The following TRIM34 variants were observed in gnomAD, a reference collection of about 807,000 sequenced individuals.
TRIM34 encodes the protein E3 ubiquitin-protein ligase TRIM34.
Under a neutral mutation model 38.1 loss-of-function variants are expected in TRIM34, and 41 were observed. The observed-to-expected ratio is 1.08, with a 90% CI of 0.84 to 1.40. The LOEUF (loss-of-function observed/expected upper bound fraction) is 1.40. Ranked by LOEUF, TRIM34 falls within the 40% of genes most tolerant of loss-of-function variation. The pLI, the probability that TRIM34 is intolerant of heterozygous loss-of-function variation, is 0.00. For missense variants in TRIM34, 556 were observed against 571.4 expected, an observed-to-expected ratio of 0.97 and a Z score of 0.27; for synonymous variants, 200 against 202.5, an observed-to-expected ratio of 0.99 and a Z score of 0.10.
intron 5 of TRIM34, 88 bp from the exon 6 acceptor site, chr11:5,642,318 G>C: frequency 8.3e-7 from 1 of 1,205,190 alleles, no homozygotes; most frequent in Non-Finnish European, 1.2e-6. Flanking sequence ...AAGTGCATCA[G>C]TGATGTGAAG....
chr11:5,640,393 A>G (rs1849955987), intron 4 of TRIM34, among the ~76,000 whole-genome samples: 1 of 151,886 alleles, frequency 6.6e-6, no homozygotes, highest in Non-Finnish European at 1.5e-5. Context: ...TGAGATCATC[A>G]TGTGGTTTTC....
chr11:5,623,552 T>TTG (rs35930606), upstream of TRIM34, among the ~76,000 whole-genome samples: 1 of 147,704 alleles, frequency 6.8e-6, no homozygotes, highest in African/African-American at 2.5e-5. Context: ...TTTTTTTTTT[T>TTG]GTAATTTTAG....
rs537224921 is a variant in TRIM34 at position 5,627,091 on chromosome 11, G to A, written c.-78+2031G>A. Among the ~76,000 whole-genome samples the A allele has an allele frequency of 1.2e-3, 177 of 152,180 alleles. 3 individuals carry two copies. The South Asian group carries it at 0.035, about 30-fold the overall frequency. ...GATGAGAGCAGAGTGAAGAAGGACA[G>A]TGATGGGTGGGCACAGTAGCTCACA... is the stretch of plus-strand genomic sequence containing the variant. On this transcript the variant is annotated intron_variant, in intron 1 of 7. Coordinates refer to ENST00000429814, the MANE Select transcript of TRIM34 (RefSeq NM_021616.6).
upstream of TRIM34, among the ~76,000 whole-genome samples, chr11:5,622,820 T>C (rs1312631344): frequency 6.6e-6 from 1 of 152,186 alleles, no homozygotes; most frequent in Admixed American, 6.5e-5. Flanking sequence ...ATTTAGGAAG[T>C]TTATTTTGCC....
intron 4 of TRIM34, among the ~76,000 whole-genome samples, chr11:5,636,598 C>G (rs1173290878): frequency 6.6e-6 from 1 of 152,158 alleles, no homozygotes; most frequent in African/African-American, 2.4e-5. Flanking sequence ...CTTCACAACC[C>G]TTTGAATCGC....
intron 1 of TRIM34, among the ~76,000 whole-genome samples, 189 bp from the exon 2 acceptor site, chr11:5,632,066 A>C (rs1849504653): frequency 6.6e-6 from 1 of 152,222 alleles, no homozygotes; most frequent in Non-Finnish European, 1.5e-5. Context: ...TTCTAGGCTG[A>C]GTAATGAACA....
upstream of TRIM34, among the ~76,000 whole-genome samples, chr11:5,623,461 G>A (rs558134791): frequency 7.2e-5 from 11 of 151,734 alleles, no homozygotes; most frequent in Admixed American, 1.3e-4. Flanking sequence ...TCCGCCTCCC[G>A]GGTTCAAGCA....
At chr11:5,630,178 C>T (rs1037588195) in intron 1 of TRIM34, among the ~76,000 whole-genome samples, 3 of 151,984 alleles carry the variant, frequency 2.0e-5, no homozygotes, top group Admixed American at 6.6e-5. Flanking sequence ...AATCCTCTTA[C>T]GGAAAATGAG....
At chr11:5,636,475 C>G (rs1184131901) in intron 4 of TRIM34, among the ~76,000 whole-genome samples, 1 of 152,090 alleles carries the variant, frequency 6.6e-6, no homozygotes. Context: ...TATTTTAAAG[C>G]CTGTTAAATT....
intron 1 of TRIM34, among the ~76,000 whole-genome samples, chr11:5,628,901 A>G (rs1046207738): frequency 1.2e-4 from 18 of 151,698 alleles, no homozygotes; most frequent in Admixed American, 8.6e-4. Flanking sequence ...TCTTTGGCTT[A>G]TATCTGTGCT....
intron 1 of TRIM34, among the ~76,000 whole-genome samples, chr11:5,627,174 G>T (rs1321692408): frequency 6.6e-5 from 10 of 152,068 alleles, no homozygotes; most frequent in Admixed American, 6.6e-4. Context: ...GGTGGATCAT[G>T]AGTTTGAGAC....
In TRIM34 at chr11:5,643,125, A is replaced by ATATATATATATTT. The variant is rs1554923130; in HGVS notation, c.902-18_902-17insATATATATATTTT. The ATATATATATATTT allele has an allele frequency of 4.1e-6, 4 of 974,550 alleles. No individual in the cohort carries two copies. The highest frequency in any genetic ancestry group is 6.2e-5 in the South Asian group (2 of 32,192). The allele number at this position is 974,550 out of a possible 1,614,324, so 60.4% of individuals were successfully genotyped here. On this transcript the variant is annotated intron_variant, in intron 7 of 7. Transcript: ENST00000429814. ...ATTATATTCATATACATATATATAT[A>ATATATATATATTT]TTTTTTTTTTTCTTGCAGTGGATGT...
chr11:5,639,678 T>TTA (rs1849906580), intron 4 of TRIM34, among the ~76,000 whole-genome samples: 1 of 16,736 alleles, frequency 6.0e-5, no homozygotes, highest in Admixed American at 5.9e-4. Context: ...AGACTCTATT[T>TTA]CAAAAAAAAA....
At position 5,633,866 on chromosome 11, in the gene TRIM34, A is replaced by G. The variant is rs1362727458; in HGVS notation, c.486A>G (p.Glu162=). The G allele has an allele frequency of 1.2e-6, 2 of 1,614,132 alleles. No homozygotes were observed. Among genetic ancestry groups the G allele is most frequent in the Non-Finnish European group, 1.7e-6 (2 of 1,179,988 alleles). Residue 162 remains glutamate (E), a synonymous_variant, in exon 3 of 8, where the codon GAA becomes GAG. Transcript: ENST00000429814. ...AAGAGGAGGAAGCTGAGAAGCTGGAAGCTGACATCAGAGAAGAGAAAACTT... is the reference window on the plus strand; with the variant it reads ...AAGAGGAGGAAGCTGAGAAGCTGGAGGCTGACATCAGAGAAGAGAAAACTT... The part of the protein sequence containing the change: ...KKEEEEAEKL[E]ADIREEKTSW...
intron 5 of TRIM34, 138 bp downstream of exon 5, chr11:5,641,327 G>T (rs1350441847): frequency 1.2e-5 from 19 of 1,536,334 alleles, no homozygotes; most frequent in Non-Finnish European, 1.7e-5. Flanking sequence ...TTAAATTGCT[G>T]GTCCCCGATG....
chr11:5,640,150 T>C (rs1849943936), intron 4 of TRIM34, among the ~76,000 whole-genome samples: 1 of 152,212 alleles, frequency 6.6e-6, no homozygotes, highest in African/African-American at 2.4e-5. Flanking sequence ...GAACCTCCAA[T>C]ACCATGTTAA....
intron 4 of TRIM34, among the ~76,000 whole-genome samples, chr11:5,636,459 C>A (rs931076395): frequency 6.6e-6 from 1 of 152,126 alleles, no homozygotes; most frequent in African/African-American, 2.4e-5. Flanking sequence ...TGCACTACAT[C>A]GTGAATATTT....
intron 2 of TRIM34, 134 bp from the exon 3 acceptor site, chr11:5,633,670 G>A (rs1295834655): frequency 1.2e-6 from 1 of 827,734 alleles, no homozygotes; most frequent in Non-Finnish European, 1.8e-6. Flanking sequence ...CCATGTCATA[G>A]ATTCTAATCA....
upstream of TRIM34, among the ~76,000 whole-genome samples, chr11:5,622,928 G>A (rs1849043723): frequency 6.6e-6 from 1 of 152,204 alleles, no homozygotes; most frequent in African/African-American, 2.4e-5. Context: ...TGAGGGAGAT[G>A]TGAGACATCA....
Sources: allele counts gnomAD v4.1 joint callset (sites outside exome capture counted in the v4.1 genomes callset), GRCh38; gene constraint gnomAD v4.1.1; transcripts MANE v1.5; gene names NCBI Gene and HGNC (gene_info 2026-07-23, HGNC 2026-07-21).